The following EXOC1L variants were observed in gnomAD, a reference collection of about 807,000 sequenced individuals.
EXOC1L encodes the protein exocyst complex component 1-like.
Under a neutral mutation model 4.9 loss-of-function variants are expected in EXOC1L, and 10 were observed. That is an observed-to-expected ratio of 2.02 (90% CI 1.25 to 3.43). The LOEUF is 3.43. EXOC1L is among the 30% of genes most tolerant of loss of function. The pLI is 0.00. For synonymous variants in EXOC1L, 41 were observed against 20.8 expected, an observed-to-expected ratio of 1.97 and a Z score of -2.63; for missense variants, 114 against 59.4, an observed-to-expected ratio of 1.92 and a Z score of -3.02.
chr4:55,827,159 C>G (rs1441458272), intron 1 of EXOC1L, among the ~76,000 whole-genome samples: 1 of 152,200 alleles, frequency 6.6e-6, no homozygotes, highest in Non-Finnish European at 1.5e-5. Context: ...CTAGACCCCT[C>G]AGGAACTAGT....
At chr4:55,829,741 AG>A in intron 1 of EXOC1L, among the ~76,000 whole-genome samples, 1 of 152,288 alleles carries the variant, frequency 6.6e-6, no homozygotes, top group Non-Finnish European at 1.5e-5. Context: ...TGGCACCATC[AG>A]GCAATGGATG....
At chr4:55,823,267 G>T (rs1056713969) in intron 1 of EXOC1L, among the ~76,000 whole-genome samples, 12 of 152,034 alleles carry the variant, frequency 7.9e-5, no homozygotes, top group African/African-American at 2.2e-4. Flanking sequence ...CAATAAGATT[G>T]TTAAATAAGA....
At chr4:55,833,636 G>T (rs1380372393) in intron 2 of EXOC1L, among the ~76,000 whole-genome samples, 2 of 151,598 alleles carry the variant, frequency 1.3e-5, no homozygotes, top group Non-Finnish European at 1.5e-5. Flanking sequence ...TTTTTCTCCA[G>T]CTCTCAAATA....
At chr4:55,825,585 C>G (rs1177803699) in intron 1 of EXOC1L, among the ~76,000 whole-genome samples, 3 of 151,984 alleles carry the variant, frequency 2.0e-5, no homozygotes, top group Non-Finnish European at 4.4e-5. Context: ...TTGCATATGC[C>G]TCATTGGATG....
intron 1 of EXOC1L, among the ~76,000 whole-genome samples, chr4:55,830,060 C>A (rs534381812): frequency 6.6e-6 from 1 of 152,290 alleles, no homozygotes; most frequent in East Asian, 1.9e-4. Flanking sequence ...CCTGTCTTTT[C>A]AAAATTTAAG....
At chr4:55,832,895 T>C (rs868862209) in intron 2 of EXOC1L, among the ~76,000 whole-genome samples, 12 of 152,044 alleles carry the variant, frequency 7.9e-5, no homozygotes, top group African/African-American at 2.9e-4. Context: ...GAGGATACAG[T>C]AGAGAATTAG....
chr4:55,831,385 G>C lies in EXOC1L; in HGVS notation c.173G>C (p.Gly58Ala), dbSNP rs1156595218. ...GTCATGGTGAAACACTACAGAATAG[G>C]TTTAGATGAAAAATATGAAGTAACA... ...KIVMVKHYRI[G>A]LDEKYEVTKK... Residue 58 changes from glycine to alanine, a missense_variant, in exon 2 of 3, where the codon GGT becomes GCT. Gly to Ala is a moderately conservative substitution (Grantham distance 60). Transcript: ENST00000636125. The C allele has an allele frequency of 1.4e-6, 1 of 693,084 alleles. No individual in the cohort carries two copies. Among genetic ancestry groups the C allele is most frequent in the Non-Finnish European group, 2.6e-6 (1 of 380,792 alleles). The allele number at this position is 693,084 out of a possible 1,614,324, so 42.9% of individuals were successfully genotyped here.
chr4:55,824,570 C>A (rs896705630), intron 1 of EXOC1L, among the ~76,000 whole-genome samples: 1 of 152,106 alleles, frequency 6.6e-6, no homozygotes, highest in East Asian at 1.9e-4. Context: ...CGCTATATTG[C>A]CCAGGCTGGT....
intron 2 of EXOC1L, among the ~76,000 whole-genome samples, chr4:55,834,729 A>T (rs1216773521): frequency 6.6e-6 from 1 of 151,946 alleles, no homozygotes; most frequent in African/African-American, 2.4e-5. Context: ...AGAAAAAAAA[A>T]AAATTGTGAA....
chr4:55,826,778 T>C (rs1719896433), intron 1 of EXOC1L, among the ~76,000 whole-genome samples: 2 of 152,246 alleles, frequency 1.3e-5, no homozygotes, highest in East Asian at 3.8e-4. Flanking sequence ...TTGGGTTGAC[T>C]CCAGGCTAAG....
intron 2 of EXOC1L, among the ~76,000 whole-genome samples, chr4:55,835,274 G>A (rs952753196): frequency 5.3e-5 from 8 of 151,506 alleles, no homozygotes; most frequent in African/African-American, 1.2e-4. Flanking sequence ...CATTTGGGCT[G>A]GTTCCATATT....
At chr4:55,826,585 A>G (rs1287800287) in intron 1 of EXOC1L, among the ~76,000 whole-genome samples, 4 of 152,262 alleles carry the variant, frequency 2.6e-5, no homozygotes. Context: ...AGATATGCTC[A>G]CTAAATCATA....
intron 1 of EXOC1L, among the ~76,000 whole-genome samples, chr4:55,831,073 T>C (rs1047779404): frequency 1.1e-4 from 17 of 152,156 alleles, no homozygotes; most frequent in African/African-American, 3.4e-4. Context: ...TCAAAGCACA[T>C]AGCTCAATGT....
chr4:55,822,107 G>A (rs557443415), intron 1 of EXOC1L, among the ~76,000 whole-genome samples: 8 of 152,192 alleles, frequency 5.3e-5, no homozygotes, highest in Admixed American at 2.6e-4. Flanking sequence ...ACAATCTAGC[G>A]CTTCTAAATT....
rs1190468215 is a variant in EXOC1L, at chr4:55,831,462, A to G, written c.250A>G (p.Thr84Ala). The G allele has an allele frequency of 1.5e-6, 1 of 685,864 alleles. No individual in the cohort carries two copies. Among genetic ancestry groups the G allele is most frequent in the South Asian group, 1.6e-5 (1 of 63,690 alleles). The allele number at this position is 685,864 out of a possible 1,614,324, so 42.5% of individuals were successfully genotyped here. The stretch of plus-strand genomic sequence containing the variant: ...GATGATTGATGGAAAAGAAGCAGAT[A>G]CTGTAAGTGTTACATTTTATAAGGA... ...LQMIDGKEAD[T>A]DNPFFDLHFK... is the part of the protein sequence containing the mutation. Residue 84 changes from threonine to alanine, a missense_variant and splice_region_variant, in exon 2 of 3, where the codon ACT (threonine) becomes GCT (alanine). By Grantham distance (58) the Thr-to-Ala change is moderately conservative (BLOSUM62 0). Transcript: ENST00000636125.
At chr4:55,824,274 C>T (rs1292087751) in intron 1 of EXOC1L, among the ~76,000 whole-genome samples, 2 of 100,084 alleles carry the variant, frequency 2.0e-5, no homozygotes, top group Middle Eastern at 4.4e-3. Flanking sequence ...CTCTCTCTCT[C>T]ACACACACAC....
chr4:55,823,105 C>T (rs1209145050), intron 1 of EXOC1L, among the ~76,000 whole-genome samples: 2 of 151,662 alleles, frequency 1.3e-5, no homozygotes, highest in East Asian at 3.9e-4. Context: ...AAACATCTTC[C>T]ATTCATAGCT....
chr4:55,834,125 C>T (rs980748539), intron 2 of EXOC1L, among the ~76,000 whole-genome samples: 1 of 151,788 alleles, frequency 6.6e-6, no homozygotes, highest in African/African-American at 2.4e-5. Flanking sequence ...ACATGTTTTA[C>T]ATTTACATAT....
rs1321498423 is a variant in EXOC1L at position 55,831,464 on chromosome 4, TGTAA to T, written c.252+3_252+6del. On this transcript the variant is annotated splice_donor_variant and splice_donor_region_variant and intron_variant, in intron 2 of 2. Transcript: ENST00000636125. LOFTEE classifies it high-confidence loss of function. ...TGATTGATGGAAAAGAAGCAGATAC[TGTAA>T]GTGTTACATTTTATAAGGAGATGTG... The T allele has an allele frequency of 8.5e-5, 58 of 684,438 alleles. No individual in the cohort carries two copies. Among genetic ancestry groups the T allele is most frequent in the Non-Finnish European group, 1.4e-4 (53 of 379,090 alleles). 42.4% of individuals were successfully genotyped at this position (684,438 alleles called of 1,614,324 possible).
Sources: allele counts gnomAD v4.1 joint callset (sites outside exome capture counted in the v4.1 genomes callset), GRCh38; gene constraint gnomAD v4.1.1; transcripts MANE v1.5; gene names NCBI Gene and HGNC (gene_info 2026-07-23, HGNC 2026-07-21).